Variants in MALRD1 observed in about 807,000 individuals in gnomAD.
MALRD1 encodes the protein MAM and LDL receptor class A domain containing 1.
Under a neutral mutation model 242.1 loss-of-function variants are expected in MALRD1, and 247 were observed. That is an observed-to-expected ratio of 1.02 (90% CI 0.92 to 1.13). The LOEUF is 1.13. MALRD1 is among the 50% of genes most tolerant of loss of function. MALRD1 has a pLI of 0.00. For missense variants in MALRD1, 2,989 were observed against 2,533.1 expected (o/e 1.18, Z -3.86); for synonymous variants, 995 against 866.6 (o/e 1.15, Z -2.60).
chr10:19,358,810 C>G (rs1041141822), intron 26 of MALRD1, among the ~76,000 whole-genome samples: 2 of 152,138 alleles, frequency 1.3e-5, no homozygotes, highest in Admixed American at 1.3e-4. Context: ...CACATGGTGA[C>G]ATTTCTTAAA....
chr10:19,163,728 C>A (rs1037615239), intron 12 of MALRD1, among the ~76,000 whole-genome samples: 10 of 152,052 alleles, frequency 6.6e-5, no homozygotes, highest in Non-Finnish European at 5.9e-5. Flanking sequence ...GTGATTTCAC[C>A]CTCAAAAATT....
chr10:19,266,409 A>T (rs1485635227), intron 19 of MALRD1, among the ~76,000 whole-genome samples: 2 of 151,968 alleles, frequency 1.3e-5, no homozygotes, highest in Non-Finnish European at 2.9e-5. Context: ...TGTTTAACAT[A>T]AGGCTTATAA....
In MALRD1 at chr10:19,238,529, A is replaced by G. The variant is rs182261584; in HGVS notation, c.2992-19155A>G. Among the ~76,000 whole-genome samples the G allele has an allele frequency of 6.7e-4, 57 of 85,638 alleles. 6 individuals are homozygous for G. Among genetic ancestry groups the G allele is most frequent in the Non-Finnish European group, 9.0e-4 (41 of 45,724 alleles). The allele number at this position is 85,638 out of a possible 152,430, so 56.2% of individuals were successfully genotyped here. On this transcript the variant is annotated intron_variant, in intron 18 of 39. Coordinates refer to ENST00000454679, the MANE Select transcript of MALRD1 (RefSeq NM_001142308.3). ...ATATATAATGTATATTATATATAAT[A>G]TACATTATATATAATATATAATGTA...
At chr10:19,426,363 T>C (rs942268807) in intron 28 of MALRD1, among the ~76,000 whole-genome samples, 1 of 152,188 alleles carries the variant, frequency 6.6e-6, no homozygotes, top group African/African-American at 2.4e-5. Flanking sequence ...TTCAGTTCAT[T>C]TGTCACTTAC....
At chr10:19,124,789 T>C (rs1837194015) in intron 7 of MALRD1, 119 bp downstream of exon 7, 5 of 847,276 alleles carry the variant, frequency 5.9e-6, no homozygotes, top group Non-Finnish European at 7.8e-6. Context: ...TTATTGAAAA[T>C]ACATTCTGCC....
intron 2 of MALRD1, among the ~76,000 whole-genome samples, chr10:19,074,037 C>T (rs939871211): frequency 1.3e-5 from 2 of 151,966 alleles, no homozygotes; most frequent in Admixed American, 6.6e-5. Flanking sequence ...TGTGCTCAGG[C>T]GATGACACAG....
At chr10:19,157,232 A>C (rs2131472618) in intron 12 of MALRD1, among the ~76,000 whole-genome samples, 1 of 151,052 alleles carries the variant, frequency 6.6e-6, no homozygotes, top group Middle Eastern at 3.4e-3. Context: ...TTTTTTAATA[A>C]GTTTGTGGCA....
chr10:19,415,737 CA>C (rs1833491633), intron 28 of MALRD1, among the ~76,000 whole-genome samples: 1 of 152,048 alleles, frequency 6.6e-6, no homozygotes, highest in Non-Finnish European at 1.5e-5. Flanking sequence ...GCTTTCATAT[CA>C]AAGAGAGACA....
intron 38 of MALRD1, chr10:19,728,341 C>A (rs1835136387): frequency 1.3e-5 from 2 of 152,144 alleles, no homozygotes; most frequent in South Asian, 2.1e-4. Context: ...AGACTTAAAA[C>A]CCTTTCAGAA....
chr10:19,574,693 G>A (rs1415227888), intron 33 of MALRD1, among the ~76,000 whole-genome samples: 1 of 152,068 alleles, frequency 6.6e-6, no homozygotes, highest in Non-Finnish European at 1.5e-5. Context: ...ATGTCACCGG[G>A]GAAGTGAAAT....
At chr10:19,632,763 A>AT (rs1242086734) in intron 36 of MALRD1, among the ~76,000 whole-genome samples, 1 of 152,126 alleles carries the variant, frequency 6.6e-6, no homozygotes, top group Non-Finnish European at 1.5e-5. Context: ...TCACCCAACA[A>AT]TTTTTACATA....
At chr10:19,466,764 C>T (rs1836234273) in intron 29 of MALRD1, among the ~76,000 whole-genome samples, 1 of 151,940 alleles carries the variant, frequency 6.6e-6, no homozygotes, top group African/African-American at 2.4e-5. Flanking sequence ...GAATGGGGTC[C>T]AGATCCAAAC....
intron 19 of MALRD1, among the ~76,000 whole-genome samples, chr10:19,275,819 A>T (rs933376343): frequency 6.6e-6 from 1 of 152,188 alleles, no homozygotes; most frequent in Non-Finnish European, 1.5e-5. Flanking sequence ...TGTTTATTGA[A>T]GTTTCTGTGT....
chr10:19,190,045 A>C (rs1008337667), intron 14 of MALRD1, among the ~76,000 whole-genome samples: 1 of 152,122 alleles, frequency 6.6e-6, no homozygotes, highest in Non-Finnish European at 1.5e-5. Context: ...GAAACAAAGA[A>C]TTTTTATATG....
intron 14 of MALRD1, among the ~76,000 whole-genome samples, chr10:19,195,410 C>T (rs1030847566): frequency 6.6e-6 from 1 of 152,126 alleles, no homozygotes; most frequent in African/African-American, 2.4e-5. Flanking sequence ...CTGTAGAAAA[C>T]TCATCTAGTC....
At chr10:19,538,914 TC>T (rs1834805610) in intron 32 of MALRD1, among the ~76,000 whole-genome samples, 1 of 152,162 alleles carries the variant, frequency 6.6e-6, no homozygotes, top group African/African-American at 2.4e-5. Context: ...ATGGTCTCTA[TC>T]TTAGATTTGA....
rs577568437 is a variant in MALRD1, at chr10:19,069,327, C to T, written c.340+2468C>T. On this transcript the variant is annotated intron_variant, in intron 2 of 39. Coordinates refer to ENST00000454679, the MANE Select transcript of MALRD1 (RefSeq NM_001142308.3). ...AACATGTACGCTATTAAACACCATC[C>T]GATATTTTTATTTTGTTCTATAGCG... Among the ~76,000 whole-genome samples the T allele has an allele frequency of 2.5e-4, 38 of 151,876 alleles. No homozygotes were observed. In the South Asian group the frequency reaches 6.7e-3, roughly 27 times the overall value.
At chr10:19,447,367 C>T (rs1372128434) in intron 28 of MALRD1, among the ~76,000 whole-genome samples, 1 of 152,112 alleles carries the variant, frequency 6.6e-6, no homozygotes, top group Admixed American at 6.6e-5. Flanking sequence ...TATGAAACAA[C>T]AGCTAGTATA....
At chr10:19,189,083 A>T (rs181372639) in intron 14 of MALRD1, among the ~76,000 whole-genome samples, 56 of 152,238 alleles carry the variant, frequency 3.7e-4, no homozygotes, top group African/African-American at 1.3e-3. Context: ...AAAGAGAGAG[A>T]GAAGATTCAA....
Sources: allele counts gnomAD v4.1 joint callset (sites outside exome capture counted in the v4.1 genomes callset), GRCh38; gene constraint gnomAD v4.1.1; transcripts MANE v1.5; gene names NCBI Gene and HGNC (gene_info 2026-07-23, HGNC 2026-07-21).